Variants in CHSY1 observed in about 807,000 individuals in gnomAD.
CHSY1 encodes chondroitin sulfate synthase 1.
A neutral mutation model predicts 59.8 loss-of-function variants in CHSY1; 13 were observed. That is an observed-to-expected ratio of 0.22 (90% CI 0.14 to 0.35). The LOEUF (loss-of-function observed/expected upper bound fraction) is 0.35. Ranked by LOEUF, CHSY1 falls within the 10% of genes least tolerant of loss-of-function variation. The pLI is 1.00. For missense variants in CHSY1, 947 were observed against 1,030.6 expected, an observed-to-expected ratio of 0.92 and a Z score of 1.11; for synonymous variants, 459 against 401.2, an observed-to-expected ratio of 1.14 and a Z score of -1.72.
intron 1 of CHSY1, among the ~76,000 whole-genome samples, chr15:101,236,385 A>G (rs929795334): frequency 2.7e-4 from 41 of 152,136 alleles, no homozygotes; most frequent in Admixed American, 2.5e-3. Flanking sequence ...AGTGAGTCTC[A>G]TGAGATCTCA....
intron 1 of CHSY1, among the ~76,000 whole-genome samples, chr15:101,250,462 T>C (rs2039095003): frequency 6.6e-6 from 1 of 152,178 alleles, no homozygotes. Context: ...TTTGGCCAAC[T>C]AGAGCCCAGT....
intron 2 of CHSY1, among the ~76,000 whole-genome samples, chr15:101,206,243 C>T (rs1343168211): frequency 6.6e-6 from 1 of 152,154 alleles, no homozygotes; most frequent in South Asian, 2.1e-4. Flanking sequence ...TGGTGTGCCT[C>T]GTGCGCCACG....
intron 2 of CHSY1, among the ~76,000 whole-genome samples, chr15:101,202,672 G>A (rs368238595): frequency 6.6e-6 from 1 of 152,220 alleles, no homozygotes; most frequent in African/African-American, 2.4e-5. Context: ...ACCCCTTGCA[G>A]CACTCACTGG....
chr15:101,227,062 G>C (rs144164461), intron 2 of CHSY1, among the ~76,000 whole-genome samples: 1,959 of 152,284 alleles, frequency 0.013, 41 homozygotes, highest in African/African-American at 0.044. Context: ...GGATATTAAA[G>C]ATTTGCAGTA....
chr15:101,185,939 G>C (rs934349667), intron 2 of CHSY1, among the ~76,000 whole-genome samples: 4 of 151,600 alleles, frequency 2.6e-5, no homozygotes, highest in African/African-American at 9.7e-5. Flanking sequence ...TATGGGCTAC[G>C]TCACTGCTCA....
chr15:101,210,556 A>G (rs58249083), intron 2 of CHSY1, among the ~76,000 whole-genome samples: 1 of 152,220 alleles, frequency 6.6e-6, no homozygotes, highest in Non-Finnish European at 1.5e-5. Context: ...ATAATCAAGA[A>G]GACTGCGAAA....
At chr15:101,245,588 A>T (rs1328430702) in intron 1 of CHSY1, among the ~76,000 whole-genome samples, 4 of 152,234 alleles carry the variant, frequency 2.6e-5, no homozygotes, top group Admixed American at 1.3e-4. Flanking sequence ...GTTAACAGAC[A>T]GGGGAACGTG....
Position 101,177,769 on chromosome 15 carries a change from G to A in CHSY1, c.2028C>T (p.Asp676=). 1 of 1,614,212 alleles carries A rather than the reference G, an allele frequency of 6.2e-7. No homozygotes were observed. The highest frequency in any genetic ancestry group is 8.5e-7 in the Non-Finnish European group (1 of 1,180,036). The change falls in exon 3 of 3, where the codon GAC becomes GAT. Residue 676 remains aspartate, a synonymous_variant. Transcript: ENST00000254190. ...KIVYSGKVPS[D]NHFAFTQKTG... is the part of the protein sequence containing the mutation. ...TTTTCTGAGTAAAGGCAAAATGGTT[G>A]TCACTGGGAACTTTCCCACTATAAA... is the stretch of plus-strand genomic sequence containing the variant.
At chr15:101,249,088 C>T (rs1365755202) in intron 1 of CHSY1, among the ~76,000 whole-genome samples, 4 of 151,852 alleles carry the variant, frequency 2.6e-5, no homozygotes, top group Non-Finnish European at 5.9e-5. Context: ...CAGGCGTGAG[C>T]CACCGCGCCC....
intron 2 of CHSY1, among the ~76,000 whole-genome samples, chr15:101,233,302 C>T (rs921352783): frequency 6.6e-6 from 1 of 152,146 alleles, no homozygotes; most frequent in Non-Finnish European, 1.5e-5. Context: ...TGGTGTCTGT[C>T]CAGCAGTATA....
chr15:101,178,925 T>G lies in CHSY1; in HGVS notation c.872A>C (p.Asp291Ala). 6.2e-7 allele frequency: 1 copy of G among 1,614,032 alleles called. No homozygotes were observed. Among genetic ancestry groups the G allele is most frequent in the Non-Finnish European group, 8.5e-7 (1 of 1,179,954 alleles). ...YEQNKKGYIR[D>A]LHNSKIHQAI... ...TTGGTGAATTTTACTGTTATGGAGATCTCTAATGTACCCCTTTTTGTTCTG... is the reference window on the plus strand; with the variant it reads ...TTGGTGAATTTTACTGTTATGGAGAGCTCTAATGTACCCCTTTTTGTTCTG... Residue 291 changes from aspartate to alanine, a missense_variant, in exon 3 of 3, where the codon GAT (aspartate) becomes GCT (alanine). Around this residue, in one of 4 missense-constraint regions of CHSY1, gnomAD observed 602 missense variants for 676.9 expected, o/e 0.89. Transcript: ENST00000254190.
intron 2 of CHSY1, among the ~76,000 whole-genome samples, chr15:101,226,667 C>G (rs1007585588): frequency 6.6e-6 from 1 of 152,222 alleles, no homozygotes; most frequent in Non-Finnish European, 1.5e-5. Context: ...TCTCACTGCA[C>G]CCCACCTCGC....
intron 1 of CHSY1, among the ~76,000 whole-genome samples, chr15:101,243,149 G>C (rs1296422148): frequency 6.6e-6 from 1 of 152,102 alleles, no homozygotes; most frequent in Non-Finnish European, 1.5e-5. Flanking sequence ...TAAGAGCTAC[G>C]AGGAGCCCGC....
At chr15:101,192,697 T>TCTCACAGATTCTTTCCACA (rs61088779) in intron 2 of CHSY1, among the ~76,000 whole-genome samples, 112,270 of 151,904 alleles carry the variant, frequency 0.74, 42,242 homozygotes, top group East Asian at 0.88. Flanking sequence ...TGAAGGCAGG[T>TCTCACAGATTCTTTCCACA]CTCACAGCAC....
At chr15:101,195,129 T>C (rs928972166) in intron 2 of CHSY1, among the ~76,000 whole-genome samples, 2 of 152,200 alleles carry the variant, frequency 1.3e-5, no homozygotes, top group Non-Finnish European at 1.5e-5. Flanking sequence ...TAAAACAATA[T>C]ATACTTATTA....
intron 1 of CHSY1, among the ~76,000 whole-genome samples, chr15:101,250,693 T>A (rs2039098384): frequency 6.6e-6 from 1 of 152,196 alleles, no homozygotes; most frequent in Non-Finnish European, 1.5e-5. Flanking sequence ...GTTCTAGAAC[T>A]AGATTAACGT....
intron 1 of CHSY1, among the ~76,000 whole-genome samples, chr15:101,236,343 G>A (rs1416708715): frequency 6.6e-6 from 1 of 152,190 alleles, no homozygotes; most frequent in Admixed American, 6.5e-5. Context: ...GATCACGGGG[G>A]CAGCTTCCCC....
Position 101,177,667 on chromosome 15 carries a change from A to G in CHSY1, c.2130T>C (p.Asp710=). 1 of 1,614,220 alleles carries G rather than the reference A, an allele frequency of 6.2e-7. No homozygotes were observed. The highest frequency in any genetic ancestry group is 8.5e-7 in the Non-Finnish European group (1 of 1,180,034). The change falls in exon 3 of 3, where the codon GAT becomes GAC. Residue 710 remains aspartate (D), a synonymous_variant. Coordinates refer to ENST00000254190, the MANE Select transcript of CHSY1 (RefSeq NM_014918.5). ...CCAGCCCCCAGCCTTGGATGGAAAC[A>G]TCAAAGCCACCCACTCGGACAAGAT... The part of the protein sequence containing the change: ...KGDLVRVGGF[D]VSIQGWGLED...
intron 2 of CHSY1, among the ~76,000 whole-genome samples, chr15:101,232,098 T>A (rs1030194498): frequency 7.2e-4 from 109 of 152,228 alleles, no homozygotes; most frequent in African/African-American, 2.6e-3. Context: ...TTGACAGTTG[T>A]TCCTCACAAG....
Sources: allele counts gnomAD v4.1 joint callset (sites outside exome capture counted in the v4.1 genomes callset), GRCh38; gene constraint gnomAD v4.1.1; regional missense constraint gnomAD v4.1.1; transcripts MANE v1.5; gene names NCBI Gene and HGNC (gene_info 2026-07-23, HGNC 2026-07-21).